The following DMKN variants were observed in gnomAD, a reference collection of about 807,000 sequenced individuals.
DMKN encodes epidermis-specific secreted protein SK30/SK89.
A neutral mutation model predicts 67.6 loss-of-function variants in DMKN; 58 were observed. The observed-to-expected ratio is 0.86, with a 90% CI of 0.69 to 1.07. DMKN has a LOEUF of 1.07. DMKN is among the 50% of genes least tolerant of loss of function. DMKN has a pLI of 0.00. For missense variants in DMKN, 596 were observed against 601.5 expected (o/e 0.99, Z 0.10); for synonymous variants, 240 against 232.3 (o/e 1.03, Z -0.30).
At chr19:35,511,689 G>GCC in intron 4 of DMKN, 74 bp downstream of exon 4, 1 of 1,592,570 alleles carries the variant, frequency 6.3e-7, no homozygotes, top group Non-Finnish European at 8.6e-7. Context: ...ATTCCATGAT[G>GCC]CCCAGTCTAA....
At chr19:35,506,581 C>T (rs116902235) in intron 7 of DMKN, 109 of 471,634 alleles carry the variant, frequency 2.3e-4, no homozygotes, top group Non-Finnish European at 4.4e-4. Context: ...GAAAGCTGTA[C>T]AGTAACTGAA....
Position 35,500,231 on chromosome 19 carries a change from C to T in DMKN, c.1288-202G>A, listed in dbSNP as rs117404371. On this transcript the variant is annotated intron_variant, in intron 12 of 15. Transcript: ENST00000339686. ...CTCACCTGCCTTTACTGTCCTAGCC[C>T]AAATGGCCGCCGCCTCCTCCTCCTA... 8.6e-6 allele frequency: 11 copies of T among 1,277,390 alleles called. No individual in the cohort carries two copies. In the Admixed American group the frequency reaches 1.7e-4, roughly 20 times the overall value. 79.1% of individuals were successfully genotyped at this position (1,277,390 alleles called of 1,614,324 possible).
chr19:35,500,476 G>C, intron 12 of DMKN, 57 bp downstream of exon 12: 1 of 1,584,990 alleles, frequency 6.3e-7, no homozygotes, highest in Admixed American at 1.8e-5. Flanking sequence ...CCAGACCCGG[G>C]AGCAAGGCCA....
At chr19:35,504,592 AAAC>A (rs1311133231) in intron 9 of DMKN, among the ~76,000 whole-genome samples, 49 of 151,074 alleles carry the variant, frequency 3.2e-4, no homozygotes, top group African/African-American at 1.1e-3. Context: ...AAAAAAAAAA[AAAC>A]AAAAGAAAGA....
intron 7 of DMKN, chr19:35,509,668 A>T: frequency 2.0e-6 from 1 of 492,884 alleles, no homozygotes; most frequent in Non-Finnish European, 3.6e-6. Flanking sequence ...ACCGGTTTAC[A>T]TGGAATTTCT....
rs1435882782 is a variant in DMKN at position 35,502,199 on chromosome 19, G to A, written c.1192-16C>T. 1.2e-6 allele frequency: 2 copies of A among 1,614,080 alleles called. No homozygotes were observed. Among genetic ancestry groups the A allele is most frequent in the Non-Finnish European group, 1.7e-6 (2 of 1,180,026 alleles). The stretch of plus-strand genomic sequence containing the variant: ...GTTTGAAATCCTGCAGGGAGAAGGA[G>A]GGCAGAGTGGGCCGGGGAGGCAGAA... On this transcript the variant is annotated splice_polypyrimidine_tract_variant and intron_variant, in intron 10 of 15. Transcript: ENST00000339686.
chr19:35,501,048 G>A (rs1459232625), intron 11 of DMKN, among the ~76,000 whole-genome samples: 1 of 152,192 alleles, frequency 6.6e-6, no homozygotes, highest in Non-Finnish European at 1.5e-5. Context: ...CTGGACCACA[G>A]GAAGCAAAAG....
intron 7 of DMKN, chr19:35,508,327 C>T: frequency 5.4e-6 from 8 of 1,477,360 alleles, no homozygotes; most frequent in South Asian, 2.5e-5. Context: ...AATATGATTC[C>T]TCTAAGAATC....
At chr19:35,506,207 C>T (rs746595331) in intron 7 of DMKN, 58 of 1,490,812 alleles carry the variant, frequency 3.9e-5, no homozygotes, top group East Asian at 7.4e-5. Context: ...AAAGGGGGAC[C>T]GATGTCCAAG....
chr19:35,504,593 AACAAAAG>A (rs1435178943), intron 9 of DMKN, among the ~76,000 whole-genome samples: 3 of 150,952 alleles, frequency 2.0e-5, no homozygotes, highest in Admixed American at 6.6e-5. Context: ...AAAAAAAAAA[AACAAAAG>A]AAAGAAAGAA....
chr19:35,509,269 ATT>A (rs35642398), intron 7 of DMKN, among the ~76,000 whole-genome samples: 3 of 151,622 alleles, frequency 2.0e-5, no homozygotes, highest in Non-Finnish European at 2.9e-5. Context: ...ATGGGAAGAA[ATT>A]TTTTTTTAAA....
At chr19:35,500,139 C>T (rs1465903073) in intron 12 of DMKN, 110 bp from the exon 13 acceptor site, 1 of 1,333,440 alleles carries the variant, frequency 7.5e-7, no homozygotes, top group Admixed American at 1.7e-5. Flanking sequence ...AAACACCTGC[C>T]TGCTCCCCTC....
In DMKN at chr19:35,513,073, C is replaced by A. The variant is rs78344601; in HGVS notation, c.403G>T (p.Val135Leu). The A allele has an allele frequency of 8.6e-4, 1,383 of 1,613,840 alleles. 9 individuals are homozygous for A. In the Middle Eastern group the frequency reaches 0.012, roughly 14 times the overall value. The part of the protein sequence containing the change: ...ADAVRGSWQG[V>L]PGHNGAWETS... ...ACCCAAGCACCATTGTGGCCAGGCA[C>A]CCCCTGCCAGGAGCCGCGGACAGCA... The change falls in exon 1 of 16, where the codon GTG becomes TTG. Residue 135 changes from valine to leucine, a missense_variant. Val to Leu is a conservative substitution (Grantham distance 32). Transcript: ENST00000339686.
Position 35,511,519 on chromosome 19 carries a change from A to ACTGCTGCTGTCACTGCTGCTG in DMKN, c.809_810insCAGCAGCAGTGACAGCAGCAG (p.Gly270_Gly271insSerSerSerAspSerSerSer). On this transcript the variant is annotated inframe_insertion, in exon 5 of 16. Transcript: ENST00000339686. ...CACTGCTGCTGCCACTGCTGCTGCCACCACTGCTGCTGCCATTGTTGTTGT... is the reference window on the plus strand; with the variant it reads ...CACTGCTGCTGCCACTGCTGCTGCCACTGCTGCTGTCACTGCTGCTGCCACTGCTGCTGCCATTGTTGTTGT... 1 of 1,226,802 alleles carries ACTGCTGCTGTCACTGCTGCTG rather than the reference A, an allele frequency of 8.2e-7. No individual in the cohort carries two copies. The allele number at this position is 1,226,802 out of a possible 1,614,324, so 76.0% of individuals were successfully genotyped here. A position where few individuals can be genotyped will look rare whatever the true frequency, so the allele number is the denominator to read the frequency against.
intron 9 of DMKN, among the ~76,000 whole-genome samples, chr19:35,504,139 G>A (rs56030600): frequency 0.1 from 15,827 of 152,052 alleles, 920 homozygotes; most frequent in South Asian, 0.16. Context: ...TCACTCCCTC[G>A]ACTGCCGCCC....
intron 1 of DMKN, 81 bp from the exon 2 acceptor site, chr19:35,512,871 C>T: frequency 1.3e-6 from 2 of 1,538,330 alleles, no homozygotes; most frequent in South Asian, 1.2e-5. Context: ...ATAAAGAGAC[C>T]AGGAGAGAGA....
At chr19:35,510,648 G>A in intron 5 of DMKN, 1 of 1,227,904 alleles carries the variant, frequency 8.1e-7, no homozygotes, top group Non-Finnish European at 1.1e-6. Flanking sequence ...GCCCTAGATG[G>A]GGGAGAGGAG....
intron 3 of DMKN, among the ~76,000 whole-genome samples, chr19:35,512,126 T>G (rs755521417): frequency 1.3e-5 from 2 of 151,790 alleles, no homozygotes; most frequent in Admixed American, 6.6e-5. Flanking sequence ...GCCTCCCAAG[T>G]GGCTGCAATT....
intron 15 of DMKN, 59 bp downstream of exon 15, chr19:35,498,657 C>G: frequency 6.2e-7 from 1 of 1,609,326 alleles, no homozygotes; most frequent in Non-Finnish European, 8.5e-7. Context: ...GGCCCTGCCC[C>G]GGGTGACTGT....
Sources: allele counts gnomAD v4.1 joint callset (sites outside exome capture counted in the v4.1 genomes callset), GRCh38; gene constraint gnomAD v4.1.1; transcripts MANE v1.5; gene names NCBI Gene and HGNC (gene_info 2026-07-23, HGNC 2026-07-21).